The following REDIC1 variants were observed in gnomAD, a reference collection of about 807,000 sequenced individuals.
The protein encoded by REDIC1 is regulator of DNA class I crossover intermediates 1, also known as HEI10 Interacting Protein 1.
At chr12:39,683,358 A>G in the REDIC1 span, 1 of 1,331,208 alleles carries the variant, frequency 7.5e-7, no homozygotes, top group South Asian at 1.2e-5. Flanking sequence ...TTTGAATTAA[A>G]AAATGAAAAT....
the REDIC1 span, among the ~76,000 whole-genome samples, chr12:39,702,527 C>T: frequency 6.6e-6 from 1 of 152,102 alleles, no homozygotes; most frequent in Non-Finnish European, 1.5e-5. Flanking sequence ...TGGTACCATT[C>T]CTTCTGAAAC....
the REDIC1 span, chr12:39,641,111 C>A: frequency 1.3e-6 from 1 of 765,714 alleles, no homozygotes; most frequent in East Asian, 2.7e-5. Context: ...CTTTGGTCTT[C>A]TACATCCTTG....
chr12:39,896,254 A>T, the REDIC1 span, among the ~76,000 whole-genome samples: 1 of 99,742 alleles, frequency 1.0e-5, no homozygotes, highest in Non-Finnish European at 2.3e-5. Flanking sequence ...GTATACATGT[A>T]TGTATATGTG....
chr12:39,626,354 G>A, the REDIC1 span: 2 of 1,614,126 alleles, frequency 1.2e-6, no homozygotes, highest in East Asian at 2.2e-5. Flanking sequence ...GGGTCGGGGG[G>A]TCCCGGTAAG....
At chr12:39,763,630 G>A in the REDIC1 span, among the ~76,000 whole-genome samples, 1 of 151,998 alleles carries the variant, frequency 6.6e-6, no homozygotes, top group East Asian at 1.9e-4. Flanking sequence ...AGAGATTGCG[G>A]GGAGATGAGA....
the REDIC1 span, among the ~76,000 whole-genome samples, chr12:39,779,119 C>T: frequency 6.6e-6 from 1 of 152,184 alleles, no homozygotes; most frequent in Non-Finnish European, 1.5e-5. Context: ...TCAGTGGCTA[C>T]TAGCCCCTGA....
the REDIC1 span, among the ~76,000 whole-genome samples, chr12:39,770,470 C>G: frequency 6.6e-6 from 1 of 152,156 alleles, no homozygotes; most frequent in Admixed American, 6.6e-5. Context: ...TTTTATGCAT[C>G]AGACATTAGC....
the REDIC1 span, chr12:39,647,898 A>G: frequency 6.8e-6 from 11 of 1,607,388 alleles, no homozygotes; most frequent in Middle Eastern, 1.6e-4. Flanking sequence ...TCTAACAGAC[A>G]TATTTCAAAA....
chr12:39,776,712 G>T, the REDIC1 span, among the ~76,000 whole-genome samples: 23 of 138,246 alleles, frequency 1.7e-4, no homozygotes, highest in Admixed American at 6.8e-4. Context: ...ATGAGGTAGG[G>T]ATGGGTGGAG....
chr12:39,790,143 A>AGAC, the REDIC1 span, among the ~76,000 whole-genome samples: 114 of 149,618 alleles, frequency 7.6e-4, no homozygotes, highest in Non-Finnish European at 1.5e-3. Flanking sequence ...TTTTTTTGAC[A>AGAC]GACTAAGGTT....
chr12:39,887,158 G>C, the REDIC1 span, among the ~76,000 whole-genome samples: 1 of 151,506 alleles, frequency 6.6e-6, no homozygotes, highest in Non-Finnish European at 1.5e-5. Flanking sequence ...AAATTTTTTT[G>C]CAAAAAAAAG....
At chr12:39,646,387 A>G in the REDIC1 span, 1 of 1,457,030 alleles carries the variant, frequency 6.9e-7, no homozygotes, top group Non-Finnish European at 9.1e-7. Context: ...TGCCCCTAAG[A>G]AAGCATAATT....
At chr12:39,858,486 A>G in the REDIC1 span, among the ~76,000 whole-genome samples, 2 of 152,218 alleles carry the variant, frequency 1.3e-5, no homozygotes, top group African/African-American at 4.8e-5. Flanking sequence ...AGTTGTTTCA[A>G]TTCACAGCAT....
chr12:39,642,277 G>A, the REDIC1 span, among the ~76,000 whole-genome samples: 1 of 151,606 alleles, frequency 6.6e-6, no homozygotes, highest in Non-Finnish European at 1.5e-5. Context: ...TCTTCAACAT[G>A]TTTCCTGGAA....
At chr12:39,896,410 A>G in the REDIC1 span, among the ~76,000 whole-genome samples, 7 of 132,334 alleles carry the variant, frequency 5.3e-5, no homozygotes, top group Admixed American at 4.0e-4. Flanking sequence ...GTATACATAT[A>G]TGTATGTATA....
At chr12:39,849,848 T>C in the REDIC1 span, among the ~76,000 whole-genome samples, 1 of 152,282 alleles carries the variant, frequency 6.6e-6, no homozygotes, top group African/African-American at 2.4e-5. Context: ...GGCTACTCCC[T>C]TCTTTTTTTT....
chr12:39,878,540 G>A, the REDIC1 span, among the ~76,000 whole-genome samples: 5 of 152,324 alleles, frequency 3.3e-5, no homozygotes, highest in South Asian at 2.1e-4. Flanking sequence ...GTGAAAGCTT[G>A]AGCTTGAGAT....
chr12:39,792,641 C>G, the REDIC1 span, among the ~76,000 whole-genome samples: 1 of 152,090 alleles, frequency 6.6e-6, no homozygotes, highest in African/African-American at 2.4e-5. Context: ...ATACCAAAAC[C>G]CACACATACT....
the REDIC1 span, among the ~76,000 whole-genome samples, chr12:39,679,241 AG>A: frequency 6.6e-6 from 1 of 152,306 alleles, no homozygotes; most frequent in Non-Finnish European, 1.5e-5. Flanking sequence ...ATGACATAAT[AG>A]TATACCTGGA....
Sources: allele counts gnomAD v4.1 joint callset (sites outside exome capture counted in the v4.1 genomes callset), GRCh38; gene constraint gnomAD v4.1.1; transcripts MANE v1.5; gene names NCBI Gene and HGNC (gene_info 2026-07-23, HGNC 2026-07-21).